Variants in MYL12B observed in about 807,000 individuals in gnomAD.
MYL12B encodes myosin regulatory light chain 12B.
Under a neutral mutation model 12.9 loss-of-function variants are expected in MYL12B, and 3 were observed. The ratio of observed to expected loss-of-function variants is 0.23; its 90% CI spans 0.11 to 0.60. The LOEUF is 0.60. MYL12B is among the 20% of genes least tolerant of loss of function. The probability of loss-of-function intolerance (pLI) is 0.89; values close to 1 mark genes in which losing one functional copy is unlikely to be tolerated. For synonymous variants in MYL12B, 57 were observed against 71.9 expected, an observed-to-expected ratio of 0.79 and a Z score of 1.05; for missense variants, 120 against 215.4, an observed-to-expected ratio of 0.56 and a Z score of 2.77.
In MYL12B at chr18:3,277,796, GC is replaced by G. The variant is rs751040499; in HGVS notation, c.379del (p.Leu127Ter). On this transcript the variant is annotated frameshift_variant, in exon 4 of 4. Transcript: ENST00000237500. LOFTEE classifies it high-confidence loss of function. Reference protein sequence around the residue: ...TIQEDYLRELLTTMGDRFTDE... With the variant: ...TIQEDYLRELXTTMGDRFTDE... ...TTCAGGAAGATTACCTAAGAGAGCTGCTGACAACCATGGGGGATCGGTTTAC... is the reference window on the plus strand; with the variant it reads ...TTCAGGAAGATTACCTAAGAGAGCTGTGACAACCATGGGGGATCGGTTTAC... The G allele has an allele frequency of 6.2e-7, 1 of 1,613,722 alleles. No homozygotes were observed. The highest frequency in any genetic ancestry group is 1.7e-5 in the Admixed American group (1 of 59,898).
At chr18:3,273,169 TTCTC>T (rs1443141040) in intron 2 of MYL12B, 87 bp downstream of exon 2, 3 of 1,397,896 alleles carry the variant, frequency 2.1e-6, no homozygotes, top group Non-Finnish European at 2.9e-6. Flanking sequence ...GTACAAATAT[TTCTC>T]TCCTTGTCTC....
intron 2 of MYL12B, among the ~76,000 whole-genome samples, chr18:3,274,273 A>G (rs2081709784): frequency 6.6e-6 from 1 of 152,236 alleles, no homozygotes; most frequent in Non-Finnish European, 1.5e-5. Flanking sequence ...TCTCAAGTCT[A>G]TACTCTGCTT....
At chr18:3,265,691 C>T (rs1242187680) in intron 1 of MYL12B, among the ~76,000 whole-genome samples, 5 of 152,118 alleles carry the variant, frequency 3.3e-5, no homozygotes, top group Admixed American at 3.3e-4. Context: ...CTTTATACTA[C>T]CAGGTTTTCA....
chr18:3,272,960 A>G lies in MYL12B; in HGVS notation c.62A>G (p.Asn21Ser), dbSNP rs774115495. 8 of 1,613,070 alleles carry G rather than the reference A, an allele frequency of 5.0e-6. No homozygotes were observed. The highest frequency in any genetic ancestry group is 5.9e-6 in the Non-Finnish European group (7 of 1,179,722). Reference sequence around the variant, plus strand: ...AAGCGCCCTCAGCGTGCAACATCCAATGTGTTTGCCATGTTTGACCAGTCA... The same window carrying G: ...AAGCGCCCTCAGCGTGCAACATCCAGTGTGTTTGCCATGTTTGACCAGTCA... Reference protein sequence around the residue: ...TKKRPQRATSNVFAMFDQSQI... With the variant: ...TKKRPQRATSSVFAMFDQSQI... Residue 21 changes from asparagine to serine, a missense_variant, in exon 2 of 4, where the codon AAT becomes AGT. Coordinates refer to ENST00000237500, the MANE Select transcript of MYL12B (RefSeq NM_033546.4).
At position 3,277,352 on chromosome 18, in the gene MYL12B, A is replaced by G; in HGVS notation, c.284A>G (p.Asn95Ser). 6.2e-7 allele frequency: 1 copy of G among 1,614,080 alleles called. No homozygotes were observed. Among genetic ancestry groups the G allele is most frequent in the Non-Finnish European group, 8.5e-7 (1 of 1,179,924 alleles). Residue 95 changes from asparagine to serine, a missense_variant, in exon 3 of 4, where the codon AAT (asparagine) becomes AGT (serine). Coordinates refer to ENST00000237500, the MANE Select transcript of MYL12B (RefSeq NM_033546.4). The stretch of plus-strand genomic sequence containing the variant: ...CTGACCATGTTTGGTGAGAAGTTAA[A>G]TGGCACAGATCCTGAAGATGTCATC... ...MFLTMFGEKL[N>S]GTDPEDVIRN...
chr18:3,269,201 A>G (rs1472943811), intron 1 of MYL12B, among the ~76,000 whole-genome samples: 1 of 152,222 alleles, frequency 6.6e-6, no homozygotes, highest in Non-Finnish European at 1.5e-5. Context: ...TATCCTTTAG[A>G]AAGTGGAGAG....
rs570579257 is a variant in MYL12B, at chr18:3,268,996, G to A, written c.-15-3888G>A. Among the ~76,000 whole-genome samples the A allele has an allele frequency of 8.7e-4, 132 of 152,238 alleles. 3 individuals carry two copies. In the South Asian group the frequency reaches 0.027, roughly 31 times the overall value. ...TTCCTAAGGCAGAGAAGTAGATCAG[G>A]GCAACTGGGGCTGGAAAAATAGCAG... On this transcript the variant is annotated intron_variant, in intron 1 of 3. Coordinates refer to ENST00000237500, the MANE Select transcript of MYL12B (RefSeq NM_033546.4).
At chr18:3,264,781 A>G (rs558187529) in intron 1 of MYL12B, among the ~76,000 whole-genome samples, 19 of 152,226 alleles carry the variant, frequency 1.2e-4, no homozygotes, top group Non-Finnish European at 2.5e-4. Flanking sequence ...TCAAAAACAA[A>G]ACTAATCTAT....
In MYL12B at chr18:3,269,561, G is replaced by A. The variant is rs148464924; in HGVS notation, c.-15-3323G>A. Reference sequence around the variant, plus strand: ...ATTGAGTTTTCAGCATGTTGATTATGAGTGTCTGTGGCATATCCAGATGGG... The same window carrying A: ...ATTGAGTTTTCAGCATGTTGATTATAAGTGTCTGTGGCATATCCAGATGGG... On this transcript the variant is annotated intron_variant, in intron 1 of 3. Coordinates refer to ENST00000237500, the MANE Select transcript of MYL12B (RefSeq NM_033546.4). Among the ~76,000 whole-genome samples, 222 of 152,286 alleles carry A rather than the reference G, an allele frequency of 1.5e-3. 2 individuals are homozygous for A. Among genetic ancestry groups the A allele is most frequent in the Middle Eastern group, 0.01 (3 of 294 alleles).
At chr18:3,276,400 T>A (rs11663214) in intron 2 of MYL12B, 4 of 984,046 alleles carry the variant, frequency 4.1e-6, no homozygotes, top group Non-Finnish European at 4.8e-6. Context: ...GAGATTTCTT[T>A]CAGCTCCTAG....
At chr18:3,276,719 C>T (rs200421375) in intron 2 of MYL12B, among the ~76,000 whole-genome samples, 2 of 152,062 alleles carry the variant, frequency 1.3e-5, no homozygotes, top group Admixed American at 6.5e-5. Context: ...ACTGACTCCC[C>T]GATGGACCAT....
rs138854327 is a variant in MYL12B, at chr18:3,275,212, A to T, written c.185-2041A>T. On this transcript the variant is annotated intron_variant, in intron 2 of 3. Transcript: ENST00000237500. ...TTATGTTAAGTGAAATAAGCCAGGC[A>T]CAGAAAGACAAACTTCACATGTTCT... Among the ~76,000 whole-genome samples, 257 of 152,340 alleles carry T rather than the reference A, an allele frequency of 1.7e-3. 5 individuals carry two copies. The highest frequency in any genetic ancestry group is 5.8e-3 in the African/African-American group (239 of 41,564).
intron 1 of MYL12B, among the ~76,000 whole-genome samples, chr18:3,264,245 GA>G (rs1204804877): frequency 1.3e-5 from 2 of 152,066 alleles, no homozygotes; most frequent in Non-Finnish European, 1.5e-5. Context: ...TTTGTGACAG[GA>G]AAGAACTATA....
chr18:3,265,104 G>A (rs182369902), intron 1 of MYL12B, among the ~76,000 whole-genome samples: 44 of 152,212 alleles, frequency 2.9e-4, no homozygotes, highest in African/African-American at 1.0e-3. Flanking sequence ...AGTACTAGGG[G>A]AAATGCTTCC....
intron 2 of MYL12B, 31 bp from the exon 3 acceptor site, chr18:3,277,222 T>G (rs181916430): frequency 2.6e-6 from 4 of 1,513,300 alleles, no homozygotes; most frequent in Non-Finnish European, 2.7e-6. Context: ...AATGTTTTTG[T>G]CTTTAAATGT....
At chr18:3,276,616 T>C (rs2081733543) in intron 2 of MYL12B, 1 of 937,998 alleles carries the variant, frequency 1.1e-6, no homozygotes. Flanking sequence ...ATGGCCAACT[T>C]ATAAATACAA....
At chr18:3,269,796 A>G (rs1467960038) in intron 1 of MYL12B, among the ~76,000 whole-genome samples, 1 of 152,254 alleles carries the variant, frequency 6.6e-6, no homozygotes, top group Non-Finnish European at 1.5e-5. Context: ...TCTAAGAGGA[A>G]AATGGAGGAG....
intron 1 of MYL12B, among the ~76,000 whole-genome samples, chr18:3,266,035 C>T (rs2081631766): frequency 6.6e-6 from 1 of 152,162 alleles, no homozygotes; most frequent in Non-Finnish European, 1.5e-5. Context: ...TTAAAGAGGT[C>T]AAGGAGACAG....
At chr18:3,275,134 A>T (rs9953062) in intron 2 of MYL12B, among the ~76,000 whole-genome samples, 3 of 152,168 alleles carry the variant, frequency 2.0e-5, no homozygotes, top group African/African-American at 7.2e-5. Context: ...ATACTGTTCG[A>T]CCATAAAAAA....
Sources: allele counts gnomAD v4.1 joint callset (sites outside exome capture counted in the v4.1 genomes callset), GRCh38; gene constraint gnomAD v4.1.1; transcripts MANE v1.5; gene names NCBI Gene and HGNC (gene_info 2026-07-23, HGNC 2026-07-21).